Variants in SLC35F3 observed in about 807,000 individuals in gnomAD.
The protein encoded by SLC35F3 is solute carrier family 35 member F3.
SLC35F3 carries 25 observed loss-of-function variants against 49.9 expected under a neutral mutation model. That is an observed-to-expected ratio of 0.50 (90% confidence interval 0.37 to 0.70). SLC35F3 has a LOEUF of 0.70. Among genes scored for constraint, SLC35F3 ranks in the 30% least tolerant of loss-of-function variants. The pLI, the probability that SLC35F3 is intolerant of heterozygous loss-of-function variation, is 0.00. For synonymous variants in SLC35F3, 275 were observed against 265.4 expected (o/e 1.04, Z -0.35); for missense variants, 525 against 639.8 (o/e 0.82, Z 1.94).
At chr1:233,975,614 C>T (rs976984657) in intron 2 of SLC35F3, among the ~76,000 whole-genome samples, 10 of 152,192 alleles carry the variant, frequency 6.6e-5, no homozygotes, top group African/African-American at 1.9e-4. Context: ...ACTCCAAGGG[C>T]ACTTTGTGGT....
intron 2 of SLC35F3, among the ~76,000 whole-genome samples, chr1:234,042,870 G>C (rs142532279): frequency 6.6e-6 from 1 of 152,160 alleles, no homozygotes; most frequent in African/African-American, 2.4e-5. Context: ...TTGACGAGCA[G>C]CCGTCTTCCG....
intron 2 of SLC35F3, among the ~76,000 whole-genome samples, chr1:234,191,715 C>T (rs987124599): frequency 1.3e-5 from 2 of 151,664 alleles, no homozygotes; most frequent in East Asian, 3.9e-4. Context: ...AAAGATTAAC[C>T]AAGAAAAGAA....
intron 3 of SLC35F3, among the ~76,000 whole-genome samples, chr1:234,282,188 G>C (rs998309204): frequency 1.3e-5 from 2 of 152,198 alleles, no homozygotes; most frequent in Non-Finnish European, 2.9e-5. Flanking sequence ...CTACTGCTGT[G>C]CTCAGTTTGG....
rs1325180970 is a variant in SLC35F3, at chr1:234,320,621, G to C, written c.1237+434G>C. Among the ~76,000 whole-genome samples the C allele has an allele frequency of 6.6e-6, 1 of 152,180 alleles. No homozygotes were observed. The highest frequency in any genetic ancestry group is 2.4e-5 in the African/African-American group (1 of 41,434). On this transcript the variant is annotated intron_variant, in intron 7 of 7. Transcript: ENST00000366618. This position sits in a 1 kb window ranked among gnomAD's most constrained non-coding sequence, Gnocchi z 4.8. ...CACTTTTGCAGGTAACTTTCTGGGG[G>C]AGAAAATTTGCTCAAGGCATGAGGT... is the stretch of plus-strand genomic sequence containing the variant.
At chr1:234,006,518 T>G (rs1166423782) in intron 2 of SLC35F3, among the ~76,000 whole-genome samples, 1 of 152,172 alleles carries the variant, frequency 6.6e-6, no homozygotes, top group East Asian at 1.9e-4. Flanking sequence ...TCAATAGAAT[T>G]CTCACTGCCA....
intron 2 of SLC35F3, among the ~76,000 whole-genome samples, chr1:234,033,754 A>G (rs1572026800): frequency 6.6e-6 from 1 of 152,146 alleles, no homozygotes; most frequent in South Asian, 2.1e-4. Context: ...TTCAGTGACT[A>G]TAGTAGCCTT....
chr1:234,144,425 G>T (rs1015059211), intron 2 of SLC35F3, among the ~76,000 whole-genome samples: 2 of 152,178 alleles, frequency 1.3e-5, no homozygotes, highest in Non-Finnish European at 2.9e-5. Context: ...ATGATGGAAT[G>T]GTGGTTCCAT....
Position 234,214,812 on chromosome 1 carries a change from C to T in SLC35F3, c.284-16605C>T. ...TGCGGCGAGTGAGCACCCGGCTCCC[C>T]AACCCTCTCCTTCCTGGGCAGCACC... On this transcript the variant is annotated intron_variant, in intron 2 of 7. Transcript: ENST00000366618. The surrounding 1 kb of genome is among the most constrained non-coding windows in gnomAD (Gnocchi z 8.0). 1 of 476,270 alleles carries T rather than the reference C, an allele frequency of 2.1e-6. No homozygotes were observed. The highest frequency in any genetic ancestry group is 3.6e-6 in the Non-Finnish European group (1 of 277,428). 29.5% of individuals were successfully genotyped at this position (476,270 alleles called of 1,614,324 possible).
intron 5 of SLC35F3, 25 bp from the exon 6 acceptor site, chr1:234,318,726 C>A: frequency 6.2e-7 from 1 of 1,605,952 alleles, no homozygotes; most frequent in Non-Finnish European, 8.5e-7. Flanking sequence ...GCCTTCACCC[C>A]GTCCTCCTCT....
chr1:234,072,214 C>G (rs760813028), intron 2 of SLC35F3, among the ~76,000 whole-genome samples: 12 of 152,246 alleles, frequency 7.9e-5, no homozygotes, highest in Non-Finnish European at 1.6e-4. Context: ...GTCTAAGTAG[C>G]TGTGCCCTGG....
chr1:234,114,015 A>G (rs1249755872), intron 2 of SLC35F3, among the ~76,000 whole-genome samples: 2 of 152,226 alleles, frequency 1.3e-5, no homozygotes, highest in East Asian at 3.8e-4. Flanking sequence ...GACTGGGGCA[A>G]GAGGGACCCT....
chr1:234,301,220 T>C lies in SLC35F3; in HGVS notation c.609-7881T>C, dbSNP rs138078935. On this transcript the variant is annotated intron_variant, in intron 3 of 7. Coordinates refer to ENST00000366618, the MANE Select transcript of SLC35F3 (RefSeq NM_173508.4). ...CATTGCTCAGTGACTATTTGTAGGT[T>C]GAAGAGAACCCTAAGAAAATATCAA... Among the ~76,000 whole-genome samples, 153 of 152,250 alleles carry C rather than the reference T, an allele frequency of 1.0e-3. 1 individual carries two copies. Among genetic ancestry groups the C allele is most frequent in the East Asian group, 0.01 (52 of 5,178 alleles).
intron 2 of SLC35F3, among the ~76,000 whole-genome samples, chr1:233,937,123 A>G (rs1252997523): frequency 6.6e-6 from 1 of 152,212 alleles, no homozygotes; most frequent in African/African-American, 2.4e-5. Context: ...CAGCATCAAA[A>G]TAAGATACTT....
At chr1:234,296,940 C>T (rs538954992) in intron 3 of SLC35F3, among the ~76,000 whole-genome samples, 10 of 152,268 alleles carry the variant, frequency 6.6e-5, no homozygotes, top group African/African-American at 2.2e-4. Context: ...TTTAATGAAA[C>T]ATTTGCCTAC....
At chr1:234,313,129 A>G (rs995365020) in intron 4 of SLC35F3, among the ~76,000 whole-genome samples, 1 of 152,172 alleles carries the variant, frequency 6.6e-6, no homozygotes, top group African/African-American at 2.4e-5. Flanking sequence ...TGCCCGCCTC[A>G]GCCTCCCAAA....
chr1:234,099,118 G>A (rs1371652574), intron 2 of SLC35F3, among the ~76,000 whole-genome samples: 1 of 152,052 alleles, frequency 6.6e-6, no homozygotes, highest in Non-Finnish European at 1.5e-5. Flanking sequence ...TGTTACAGAG[G>A]GAGATAGATT....
At chr1:234,061,459 C>T (rs768188815) in intron 2 of SLC35F3, among the ~76,000 whole-genome samples, 6 of 151,714 alleles carry the variant, frequency 4.0e-5, no homozygotes, top group African/African-American at 9.7e-5. Context: ...TTCTACTTGA[C>T]GTTTGTTGAG....
intron 2 of SLC35F3, among the ~76,000 whole-genome samples, chr1:233,964,863 A>G (rs1662876054): frequency 6.6e-6 from 1 of 152,168 alleles, no homozygotes; most frequent in Non-Finnish European, 1.5e-5. Flanking sequence ...AACTGCTGTG[A>G]TTGAGAATTC....
chr1:234,226,963 A>ACACACG (rs761053385), intron 2 of SLC35F3, among the ~76,000 whole-genome samples: 77 of 122,246 alleles, frequency 6.3e-4, no homozygotes, highest in African/African-American at 2.0e-3. Flanking sequence ...GCACGCGTGC[A>ACACACG]CACACACACA....
Sources: allele counts gnomAD v4.1 joint callset (sites outside exome capture counted in the v4.1 genomes callset), GRCh38; gene constraint gnomAD v4.1.1; non-coding constraint Gnocchi (gnomAD v3.1); transcripts MANE v1.5; gene names NCBI Gene and HGNC (gene_info 2026-07-23, HGNC 2026-07-21).